The following STPG2 variants were observed in gnomAD, a reference collection of about 807,000 sequenced individuals.
The protein encoded by STPG2 is sperm tail PG-rich repeat containing 2.
A neutral mutation model predicts 54.2 loss-of-function variants in STPG2; 56 were observed. The observed-to-expected ratio is 1.03, with a 90% CI of 0.83 to 1.29. The LOEUF (loss-of-function observed/expected upper bound fraction) is 1.29. Ranked by LOEUF, STPG2 falls within the 50% of genes most tolerant of loss-of-function variation. The pLI, the probability that STPG2 is intolerant of heterozygous loss-of-function variation, is 0.00. For missense variants in STPG2, 596 were observed against 544.9 expected (o/e 1.09, Z -0.93); for synonymous variants, 200 against 181.8 (o/e 1.10, Z -0.81).
At chr4:97,618,241 G>A (rs1193297519) in intron 10 of STPG2, among the ~76,000 whole-genome samples, 1 of 152,060 alleles carries the variant, frequency 6.6e-6, no homozygotes, top group Non-Finnish European at 1.5e-5. Flanking sequence ...GCCTTTTTGG[G>A]AAGCTTCCTC....
At chr4:97,593,105 C>G (rs72890816) in intron 10 of STPG2, among the ~76,000 whole-genome samples, 5,949 of 152,190 alleles carry the variant, frequency 0.039, 371 homozygotes, top group African/African-American at 0.14. Flanking sequence ...CCTGGCCACA[C>G]CTATTGCAGT....
chr4:97,565,384 C>G (rs917201521), intron 10 of STPG2, among the ~76,000 whole-genome samples: 83 of 152,050 alleles, frequency 5.5e-4, no homozygotes, highest in African/African-American at 2.0e-3. Flanking sequence ...TTTGAATTTC[C>G]TCCTGTAGCT....
chr4:97,838,055 G>T (rs1290126409), intron 9 of STPG2, among the ~76,000 whole-genome samples: 3 of 151,480 alleles, frequency 2.0e-5, no homozygotes, highest in Non-Finnish European at 1.5e-5. Flanking sequence ...TGCATATCAT[G>T]TTCTCCAAAT....
At chr4:97,598,589 A>AACAGGGT (rs1205207789) in intron 10 of STPG2, among the ~76,000 whole-genome samples, 1 of 151,780 alleles carries the variant, frequency 6.6e-6, no homozygotes, top group Non-Finnish European at 1.5e-5. Context: ...AGAACAATGG[A>AACAGGGT]ACAGGGTAGA....
chr4:97,771,849 A>G (rs1726229592), intron 9 of STPG2, among the ~76,000 whole-genome samples: 1 of 152,218 alleles, frequency 6.6e-6, no homozygotes, highest in East Asian at 1.9e-4. Context: ...AAAGGGAGAA[A>G]TAAGAGTGTC....
chr4:97,934,576 T>G (rs944696209), intron 8 of STPG2, among the ~76,000 whole-genome samples: 1 of 152,164 alleles, frequency 6.6e-6, no homozygotes, highest in South Asian at 2.1e-4. Context: ...ATGAGGGATG[T>G]TGAATTTTAT....
chr4:97,919,448 T>TAA (rs35578226), intron 8 of STPG2, among the ~76,000 whole-genome samples: 9 of 150,254 alleles, frequency 6.0e-5, no homozygotes, highest in East Asian at 2.0e-4. Flanking sequence ...ACAGAAAAAT[T>TAA]AAAAAAAAGA....
At chr4:97,851,384 CTTG>C (rs1423351482) in intron 8 of STPG2, among the ~76,000 whole-genome samples, 3 of 152,096 alleles carry the variant, frequency 2.0e-5, no homozygotes, top group Non-Finnish European at 4.4e-5. Context: ...TTTGTTTAGC[CTTG>C]TTGTTAAGTT....
chr4:98,003,517 C>T (rs114264075), intron 5 of STPG2, among the ~76,000 whole-genome samples: 4 of 152,080 alleles, frequency 2.6e-5, no homozygotes, highest in Non-Finnish European at 4.4e-5. Context: ...CTATTCTCAA[C>T]ATTAAAAGCA....
rs1280825465 is a variant in STPG2 at position 97,490,585 on chromosome 4, G to A, written c.462+222114C>T. 4.6e-5 allele frequency among the ~76,000 whole-genome samples: 7 copies of A among 151,460 alleles called. No homozygotes were observed. In the South Asian group the frequency reaches 6.2e-4, roughly 13 times the overall value. On this transcript the variant is annotated intron_variant, in intron 4 of 4. Transcript: ENST00000522676. ...TTAAAAACTCAGTGAAGGAGTACTCGCTTCCCTGTACCTCCTGGTTTCACT... is the reference window on the plus strand; with the variant it reads ...TTAAAAACTCAGTGAAGGAGTACTCACTTCCCTGTACCTCCTGGTTTCACT...
At chr4:97,981,109 A>C (rs761678606) in intron 6 of STPG2, 50 bp downstream of exon 6, 5 of 1,571,720 alleles carry the variant, frequency 3.2e-6, no homozygotes, top group Non-Finnish European at 3.5e-6. Context: ...TAAGAACATT[A>C]AGTTTCTTTA....
intron 10 of STPG2, among the ~76,000 whole-genome samples, chr4:97,585,025 T>C (rs1560672693): frequency 7.5e-6 from 1 of 134,014 alleles, no homozygotes; most frequent in Non-Finnish European, 1.6e-5. Context: ...AAGCCAGTAT[T>C]CCCCTAATAC....
chr4:98,097,502 C>T (rs1389760697), intron 5 of STPG2, among the ~76,000 whole-genome samples: 1 of 152,152 alleles, frequency 6.6e-6, no homozygotes, highest in Non-Finnish European at 1.5e-5. Context: ...CCATATATGA[C>T]AGACCCTCAG....
rs553471181 is a variant in STPG2 at position 97,451,544 on chromosome 4, T to C, written c.462+261155A>G. Among the ~76,000 whole-genome samples, 5 of 152,254 alleles carry C rather than the reference T, an allele frequency of 3.3e-5. No individual in the cohort carries two copies. The East Asian group carries it at 9.6e-4, about 29-fold the overall frequency. The stretch of plus-strand genomic sequence containing the variant: ...TGTTAACAGAAAAGATTCAAAACTA[T>C]TTAAAGACAACAGGGATCACCTTGT... On this transcript the variant is annotated intron_variant, in intron 4 of 4. Coordinates refer to the STPG2 transcript ENST00000522676.
At position 98,141,386 on chromosome 4, in the gene STPG2, A is replaced by T. The variant is rs546358689; in HGVS notation, c.109+1656T>A. 2.6e-5 allele frequency among the ~76,000 whole-genome samples: 4 copies of T among 152,264 alleles called. No individual in the cohort carries two copies. The South Asian group carries it at 8.3e-4, about 32-fold the overall frequency. On this transcript the variant is annotated intron_variant, in intron 1 of 10. Transcript: ENST00000295268. ...AGAGCCAGGCACTCTTTTAGGTCTGATAAGAAGCATTTTACAACCTGCTCC... is the reference window on the plus strand; with the variant it reads ...AGAGCCAGGCACTCTTTTAGGTCTGTTAAGAAGCATTTTACAACCTGCTCC...
intron 8 of STPG2, among the ~76,000 whole-genome samples, chr4:97,908,513 G>T (rs1731541210): frequency 1.3e-5 from 2 of 151,732 alleles, no homozygotes; most frequent in Admixed American, 1.3e-4. Context: ...TCCCATTACT[G>T]GGTATATACC....
chr4:97,793,190 C>A (rs1560530188), intron 9 of STPG2, among the ~76,000 whole-genome samples: 1 of 151,976 alleles, frequency 6.6e-6, no homozygotes, highest in Non-Finnish European at 1.5e-5. Context: ...CCTACCTTAC[C>A]TAAAATCGTC....
chr4:97,520,716 C>T (rs1731162635), intron 4 of STPG2, among the ~76,000 whole-genome samples: 2 of 151,996 alleles, frequency 1.3e-5, no homozygotes, highest in South Asian at 4.1e-4. Flanking sequence ...ATTTCCACTT[C>T]ACAGATCTGT....
chr4:97,508,824 C>G (rs1189685876), intron 4 of STPG2, among the ~76,000 whole-genome samples: 1 of 152,002 alleles, frequency 6.6e-6, no homozygotes, highest in Non-Finnish European at 1.5e-5. Context: ...AGAAAATATA[C>G]TTTAATAGTG....
Sources: allele counts gnomAD v4.1 joint callset (sites outside exome capture counted in the v4.1 genomes callset), GRCh38; gene constraint gnomAD v4.1.1; transcripts MANE v1.5; gene names NCBI Gene and HGNC (gene_info 2026-07-23, HGNC 2026-07-21).